SMYD3: variants seen among roughly 807,000 people sequenced by gnomAD.
SMYD3 encodes histone-lysine N-methyltransferase SMYD3.
SMYD3 carries 36 observed loss-of-function variants against 57.7 expected under a neutral mutation model. The ratio of observed to expected loss-of-function variants is 0.62; its 90% CI spans 0.48 to 0.82. The LOEUF (loss-of-function observed/expected upper bound fraction) is 0.82, where lower values mean the gene tolerates loss of function less well. Among genes scored for constraint, SMYD3 ranks in the 40% least tolerant of loss-of-function variants. SMYD3 has a pLI of 0.00. For missense variants in SMYD3, 515 were observed against 538.8 expected, an observed-to-expected ratio of 0.96 and a Z score of 0.44; for synonymous variants, 211 against 195.0, an observed-to-expected ratio of 1.08 and a Z score of -0.68.
rs151042471 is a variant in SMYD3 at position 246,383,103 on chromosome 1, C to T, written c.165-28009G>A. ...TGGACCCAGGTCCCAGGCCTGCCCA[C>T]CTATTGACCCAGGCACAAGGCTAGC... On this transcript the variant is annotated intron_variant, in intron 1 of 11. Transcript: ENST00000490107. 2.9e-3 allele frequency among the ~76,000 whole-genome samples: 448 copies of T among 152,356 alleles called. 3 individuals carry two copies. The highest frequency in any genetic ancestry group is 6.8e-3 in the Middle Eastern group (2 of 294).
intron 5 of SMYD3, among the ~76,000 whole-genome samples, chr1:246,307,346 TAAAC>T (rs1038593921): frequency 3.4e-5 from 5 of 148,254 alleles, no homozygotes; most frequent in East Asian, 2.0e-4. Context: ...AAAAGCAAAA[TAAAC>T]AAACAAAGGC....
At chr1:246,445,002 T>C (rs2067531957) in intron 1 of SMYD3, among the ~76,000 whole-genome samples, 1 of 152,220 alleles carries the variant, frequency 6.6e-6, no homozygotes, top group Non-Finnish European at 1.5e-5. Context: ...CTTTATCTCC[T>C]TGGGGCTTTG....
At chr1:246,393,899 T>C (rs569534538) in intron 1 of SMYD3, among the ~76,000 whole-genome samples, 1 of 152,224 alleles carries the variant, frequency 6.6e-6, no homozygotes, top group Admixed American at 6.5e-5. Context: ...AACTCTGAAC[T>C]ACTTTCTATG....
chr1:245,874,648 G>A (rs778757545), intron 8 of SMYD3, among the ~76,000 whole-genome samples: 2 of 152,080 alleles, frequency 1.3e-5, no homozygotes, highest in Non-Finnish European at 2.9e-5. Flanking sequence ...CAAGCCAAAA[G>A]TTCAAAAGAA....
intron 5 of SMYD3, among the ~76,000 whole-genome samples, chr1:246,072,255 TCGTGTGCTTTC>T (rs1425628428): frequency 1.4e-5 from 2 of 142,582 alleles, no homozygotes; most frequent in African/African-American, 5.0e-5. Flanking sequence ...GGGGAGGGAT[TCGTGTGCTTTC>T]CACTGTGCTC....
chr1:245,806,504 C>T (rs2048149076), intron 10 of SMYD3, among the ~76,000 whole-genome samples: 1 of 152,140 alleles, frequency 6.6e-6, no homozygotes, highest in African/African-American at 2.4e-5. Flanking sequence ...TACCTGCCTC[C>T]GATACCTGAA....
chr1:246,219,750 C>T (rs2063223082), intron 5 of SMYD3, among the ~76,000 whole-genome samples: 1 of 152,168 alleles, frequency 6.6e-6, no homozygotes, highest in Non-Finnish European at 1.5e-5. Flanking sequence ...CCCCCAGATG[C>T]AGCTGCAGGC....
chr1:245,809,572 G>T (rs965822097), intron 10 of SMYD3, among the ~76,000 whole-genome samples: 4 of 152,236 alleles, frequency 2.6e-5, no homozygotes, highest in Non-Finnish European at 5.9e-5. Flanking sequence ...AAAACACTCA[G>T]GTGAGAGAGA....
intron 8 of SMYD3, among the ~76,000 whole-genome samples, chr1:245,876,361 T>C (rs1184128863): frequency 6.6e-6 from 1 of 152,212 alleles, no homozygotes; most frequent in Non-Finnish European, 1.5e-5. Context: ...GGCAGGCAGA[T>C]ACCGGTATCT....
At chr1:246,214,528 T>C (rs1054199691) in intron 5 of SMYD3, among the ~76,000 whole-genome samples, 26 of 152,178 alleles carry the variant, frequency 1.7e-4, no homozygotes, top group African/African-American at 6.3e-4. Context: ...TATGAAGGAA[T>C]TGTTTAAAAT....
At chr1:246,163,877 A>G (rs958695188) in intron 5 of SMYD3, among the ~76,000 whole-genome samples, 1 of 152,216 alleles carries the variant, frequency 6.6e-6, no homozygotes, top group Non-Finnish European at 1.5e-5. Context: ...GCCAAATGTT[A>G]GAACCTTCCG....
At chr1:246,096,741 A>G (rs1007598971) in intron 5 of SMYD3, among the ~76,000 whole-genome samples, 4 of 152,240 alleles carry the variant, frequency 2.6e-5, no homozygotes, top group African/African-American at 7.2e-5. Flanking sequence ...CGGTTCTTGC[A>G]AATGGTTATG....
intron 1 of SMYD3, among the ~76,000 whole-genome samples, chr1:246,460,960 G>C (rs1056505722): frequency 1.3e-5 from 2 of 152,172 alleles, no homozygotes; most frequent in Non-Finnish European, 2.9e-5. Context: ...ATCATCATAA[G>C]AGTATCTATC....
At chr1:246,164,941 ACGGTGAATGAAG>A (rs1159444889) in intron 5 of SMYD3, among the ~76,000 whole-genome samples, 1 of 152,258 alleles carries the variant, frequency 6.6e-6, no homozygotes, top group Non-Finnish European at 1.5e-5. Context: ...CCACACAGAG[ACGGTGAATGAAG>A]CTACAGGAAT....
intron 8 of SMYD3, among the ~76,000 whole-genome samples, chr1:245,910,625 A>G (rs2054902411): frequency 6.6e-6 from 1 of 152,124 alleles, no homozygotes; most frequent in Non-Finnish European, 1.5e-5. Context: ...ACAAATCCAC[A>G]CATTTAGTCA....
chr1:245,948,022 T>C (rs1030473948), intron 5 of SMYD3, among the ~76,000 whole-genome samples: 2 of 152,086 alleles, frequency 1.3e-5, no homozygotes, highest in African/African-American at 4.8e-5. Context: ...TTCCTCAAAA[T>C]CCAGTTTTAG....
chr1:246,106,600 C>T (rs1202952019), intron 5 of SMYD3, among the ~76,000 whole-genome samples: 1 of 152,154 alleles, frequency 6.6e-6, no homozygotes, highest in Non-Finnish European at 1.5e-5. Context: ...TCCTAATATA[C>T]CGAGGTGCCA....
intron 5 of SMYD3, among the ~76,000 whole-genome samples, chr1:246,236,378 T>C (rs1473036358): frequency 6.6e-6 from 1 of 151,938 alleles, no homozygotes; most frequent in African/African-American, 2.4e-5. Flanking sequence ...TATAGACACA[T>C]CCCACCACAC....
intron 5 of SMYD3, chr1:246,096,221 G>A (rs2060912189): frequency 6.6e-6 from 1 of 152,178 alleles, no homozygotes; most frequent in Non-Finnish European, 1.5e-5. Context: ...CACCAAATAT[G>A]CAAATGCATT....
Sources: gnomAD v4.1 joint callset for allele counts (sites outside exome capture counted in the v4.1 genomes callset) on GRCh38, gnomAD v4.1.1 for gene constraint, MANE v1.5 for transcripts, NCBI Gene and HGNC (gene_info 2026-07-23, HGNC 2026-07-21) for gene names.